The following IQCK variants were observed in gnomAD, a reference collection of about 807,000 sequenced individuals.
The protein encoded by IQCK is IQ domain-containing protein K.
A neutral mutation model predicts 28.1 loss-of-function variants in IQCK; 29 were observed. The ratio of observed to expected loss-of-function variants is 1.03; its 90% confidence interval spans 0.77 to 1.41. IQCK has a LOEUF of 1.41. Among genes scored for constraint, IQCK ranks in the 40% most tolerant of loss-of-function variants. The pLI is 0.00. For missense variants in IQCK, 359 were observed against 314.7 expected (o/e 1.14, Z -1.07); for synonymous variants, 113 against 115.1 (o/e 0.98, Z 0.12).
At position 19,775,685 on chromosome 16, in the gene IQCK, T is replaced by C. The variant is rs116815439; in HGVS notation, c.605+11573T>C. 3.5e-3 allele frequency among the ~76,000 whole-genome samples: 533 copies of C among 152,194 alleles called. 2 individuals are homozygous for C. The highest frequency in any genetic ancestry group is 0.012 in the African/African-American group (508 of 41,528). On this transcript the variant is annotated intron_variant, in intron 6 of 7. Transcript: ENST00000564186. The stretch of plus-strand genomic sequence containing the variant: ...GCCCTCTTACCTCTGAGGTCACTGA[T>C]GCAAAGGAAGAAAAGAATGTAGGAG...
chr16:19,849,192 G>A (rs969113530), intron 9 of IQCK, among the ~76,000 whole-genome samples: 2 of 151,132 alleles, frequency 1.3e-5, no homozygotes, highest in Admixed American at 6.6e-5. Flanking sequence ...AGCAATACAG[G>A]TATACTGTAG....
rs1410103085 is a variant in IQCK at position 19,848,348 on chromosome 16, A to G, written c.803-8139A>G. Among the ~76,000 whole-genome samples, 4 of 152,204 alleles carry G rather than the reference A, an allele frequency of 2.6e-5. No homozygotes were observed. The East Asian group carries it at 7.7e-4, about 29-fold the overall frequency. On this transcript the variant is annotated intron_variant, in intron 9 of 9. Coordinates refer to the IQCK transcript ENST00000320394. The stretch of plus-strand genomic sequence containing the variant: ...ATATCTGATAGGTCAACTTGCCAGA[A>G]TGATGTTTAAAGAATGAGCACCCAT...
At position 19,730,882 on chromosome 16, in the gene IQCK, C is replaced by T. The variant is rs1210527472; in HGVS notation, c.246+388C>T. ...CTTAGTAGCTGGGACTACAGGCACCCGCCACCGTGCTTGGGATTTTTTGTC... is the reference window on the plus strand; with the variant it reads ...CTTAGTAGCTGGGACTACAGGCACCTGCCACCGTGCTTGGGATTTTTTGTC... On this transcript the variant is annotated intron_variant, in intron 2 of 7. Transcript: ENST00000564186. Among the ~76,000 whole-genome samples the T allele has an allele frequency of 3.9e-5, 6 of 152,162 alleles. No homozygotes were observed. The Middle Eastern group carries it at 0.014, about 345-fold the overall frequency.
At chr16:19,752,007 T>A (rs1441541913) in intron 4 of IQCK, among the ~76,000 whole-genome samples, 2 of 152,198 alleles carry the variant, frequency 1.3e-5, no homozygotes, top group Admixed American at 6.5e-5. Context: ...ACTTCAACAG[T>A]GTTTTTAGAC....
chr16:19,827,250 C>T (rs1425883803), downstream of IQCK: 3 of 700,696 alleles, frequency 4.3e-6, no homozygotes, highest in African/African-American at 3.6e-5. Context: ...GCATGGAACT[C>T]AGCTTGTGCA....
chr16:19,804,906 CGTT>C (rs1389625447), intron 7 of IQCK, among the ~76,000 whole-genome samples: 21 of 152,302 alleles, frequency 1.4e-4, no homozygotes, highest in African/African-American at 4.8e-4. Flanking sequence ...TTCCAACAAT[CGTT>C]GTTTAAGCGC....
chr16:19,745,471 T>A (rs533866685), intron 4 of IQCK, among the ~76,000 whole-genome samples: 28 of 152,232 alleles, frequency 1.8e-4, no homozygotes, highest in Admixed American at 7.2e-4. Flanking sequence ...TAACATCACA[T>A]GGGCCAGTAA....
intron 1 of IQCK, 125 bp from the exon 2 acceptor site, chr16:19,730,305 T>C: frequency 1.5e-6 from 1 of 675,712 alleles, no homozygotes; most frequent in Non-Finnish European, 2.4e-6. Flanking sequence ...TGGCCAGTTG[T>C]TTTTTCATTT....
intron 7 of IQCK, among the ~76,000 whole-genome samples, chr16:19,819,881 GAA>G (rs113684524): frequency 1.4e-5 from 2 of 144,478 alleles, no homozygotes; most frequent in East Asian, 4.0e-4. Flanking sequence ...AGTTTAACTT[GAA>G]AAAAAAAAAC....
At chr16:19,766,710 A>G (rs1042002977) in intron 6 of IQCK, among the ~76,000 whole-genome samples, 15 of 152,164 alleles carry the variant, frequency 9.9e-5, no homozygotes, top group Admixed American at 9.8e-4. Context: ...TACAGTTGTG[A>G]CAATCAAGAA....
chr16:19,741,805 G>A (rs1166274843), intron 4 of IQCK, among the ~76,000 whole-genome samples: 1 of 152,048 alleles, frequency 6.6e-6, no homozygotes, highest in Admixed American at 6.6e-5. Context: ...TGGGCAACAT[G>A]GTGAAATCCC....
chr16:19,832,627 A>G (rs1034406386), intron 9 of IQCK, among the ~76,000 whole-genome samples: 3 of 152,200 alleles, frequency 2.0e-5, no homozygotes, highest in African/African-American at 7.2e-5. Flanking sequence ...TATATATTCA[A>G]GGTGTGCAAC....
downstream of IQCK, among the ~76,000 whole-genome samples, chr16:19,830,386 T>C (rs570867103): frequency 3.9e-5 from 6 of 152,318 alleles, no homozygotes; most frequent in Admixed American, 3.9e-4. Flanking sequence ...TTCATGCTTT[T>C]ATCCAGCCTG....
At chr16:19,764,949 T>A (rs144877275) in intron 6 of IQCK, among the ~76,000 whole-genome samples, 7,233 of 133,056 alleles carry the variant, frequency 0.054, 597 homozygotes, top group African/African-American at 0.18. Context: ...TCCGCCCACC[T>A]CAGCCTCCCA....
intron 9 of IQCK, among the ~76,000 whole-genome samples, chr16:19,851,161 C>T (rs910125205): frequency 6.6e-6 from 1 of 152,220 alleles, no homozygotes; most frequent in African/African-American, 2.4e-5. Context: ...GTGCCATTCT[C>T]AACCCTGGCT....
intron 7 of IQCK, among the ~76,000 whole-genome samples, chr16:19,814,050 T>C (rs895517309): frequency 6.6e-6 from 1 of 151,762 alleles, no homozygotes; most frequent in Non-Finnish European, 1.5e-5. Flanking sequence ...AAACCCTGTC[T>C]CTACTAAAAA....
intron 7 of IQCK, among the ~76,000 whole-genome samples, chr16:19,813,786 T>G (rs2055938869): frequency 6.6e-6 from 1 of 152,138 alleles, no homozygotes; most frequent in Non-Finnish European, 1.5e-5. Context: ...AACAATAATA[T>G]AAAAGTTGAG....
chr16:19,722,390 G>A lies in IQCK; in HGVS notation c.181+3903G>A, dbSNP rs139021907. ...CTTTATCACTCACTTCCTCTGCTAC[G>A]CCTTTAACTTCTCTACTAGCTTTTT... On this transcript the variant is annotated intron_variant, in intron 1 of 7. Transcript: ENST00000564186. Among the ~76,000 whole-genome samples, 37 of 152,054 alleles carry A rather than the reference G, an allele frequency of 2.4e-4. No homozygotes were observed. In the East Asian group the frequency reaches 3.5e-3, roughly 14 times the overall value.
intron 2 of IQCK, 31 bp downstream of exon 2, chr16:19,730,525 A>G: frequency 6.6e-7 from 1 of 1,518,282 alleles, no homozygotes; most frequent in Non-Finnish European, 9.0e-7. Flanking sequence ...AACCGAAGCA[A>G]GAAGCTCTTA....
Sources: gnomAD v4.1 joint callset for allele counts (sites outside exome capture counted in the v4.1 genomes callset) on GRCh38, gnomAD v4.1.1 for gene constraint, MANE v1.5 for transcripts, NCBI Gene and HGNC (gene_info 2026-07-23, HGNC 2026-07-21) for gene names.